Variants in EDARADD observed in about 807,000 individuals in gnomAD.
EDARADD encodes EDAR associated via death domain.
In EDARADD, 20 loss-of-function variants were observed where a neutral mutation model predicts 25.6. The ratio of observed to expected loss-of-function variants is 0.78; its 90% CI spans 0.55 to 1.14. The LOEUF is 1.14. Among genes scored for constraint, EDARADD ranks in the 50% most tolerant of loss-of-function variants. EDARADD has a pLI of 0.00. For synonymous variants in EDARADD, 86 were observed against 94.4 expected, an observed-to-expected ratio of 0.91 and a Z score of 0.52; for missense variants, 225 against 270.1, an observed-to-expected ratio of 0.83 and a Z score of 1.17.
At chr1:236,379,025 TA>T (rs71954009) in intron 3 of EDARADD, among the ~76,000 whole-genome samples, 16,663 of 149,748 alleles carry the variant, frequency 0.11, 1,453 homozygotes, top group East Asian at 0.3. Context: ...CTGATTGAAG[TA>T]AAAAAAAAAT....
At chr1:236,379,723 T>G (rs1838611) in intron 3 of EDARADD, among the ~76,000 whole-genome samples, 127,881 of 152,008 alleles carry the variant, frequency 0.84, 54,176 homozygotes, top group Middle Eastern at 0.94. Flanking sequence ...GAGGCTGCAG[T>G]GAGCCAAGAT....
Position 236,482,482 on chromosome 1 carries a change from C to G in EDARADD, c.481C>G (p.Gln161Glu). ...ATTGTGCTTCCTGGAGCAGAGGCCA[C>G]AGAGCCCCACCTTGGAGTTCTTGCT... Reference protein sequence around the residue: ...DELCFLEQRPQSPTLEFLLRN... With the variant: ...DELCFLEQRPESPTLEFLLRN... The change falls in exon 6 of 6, where the codon CAG becomes GAG. Residue 161 changes from glutamine to glutamate, a missense_variant. Physicochemically the swap from Gln to Glu is conservative, Grantham distance 29. Coordinates refer to ENST00000334232, the MANE Select transcript of EDARADD (RefSeq NM_145861.4). 5 of 1,613,772 alleles carry G rather than the reference C, an allele frequency of 3.1e-6. No individual in the cohort carries two copies. Among genetic ancestry groups the G allele is most frequent in the Non-Finnish European group, 4.2e-6 (5 of 1,179,786 alleles).
intron 1 of EDARADD, among the ~76,000 whole-genome samples, chr1:236,405,255 T>G (rs150557273): frequency 1.3e-4 from 20 of 152,308 alleles, no homozygotes; most frequent in African/African-American, 4.8e-4. Flanking sequence ...TAAGTTCCAT[T>G]TATTCTGAGA....
chr1:236,388,534 C>T lies in EDARADD; in HGVS notation c.-5-20682C>T, dbSNP rs115426633. Among the ~76,000 whole-genome samples the T allele has an allele frequency of 2.7e-3, 409 of 152,214 alleles. 5 individuals carry two copies. The highest frequency in any genetic ancestry group is 9.3e-3 in the African/African-American group (387 of 41,526). The stretch of plus-strand genomic sequence containing the variant: ...ATTAACATGGTATAGCTTGCTATTC[C>T]GTCAGATTTCTTTTTATGTTTTTCA... On this transcript the variant is annotated intron_variant, in intron 3 of 7. Coordinates refer to the EDARADD transcript ENST00000439430.
rs778449027 is a variant in EDARADD at position 236,395,784 on chromosome 1, G to A, written c.61+1279G>A. 61 of 1,000,990 alleles carry A rather than the reference G, an allele frequency of 6.1e-5. No individual in the cohort carries two copies. The highest frequency in any genetic ancestry group is 8.4e-5 in the Non-Finnish European group (60 of 717,202). The allele number at this position is 1,000,990 out of a possible 1,614,324, so 62.0% of individuals were successfully genotyped here. On this transcript the variant is annotated intron_variant, in intron 1 of 5. Transcript: ENST00000334232. The surrounding 1 kb of genome is among the most constrained non-coding windows in gnomAD (Gnocchi z 6.9). ...CTCGGCGACCCCCGAGGGAGGCCCGGGAACCACCCCCGACCCAGGCGCCAG... is the reference window on the plus strand; with the variant it reads ...CTCGGCGACCCCCGAGGGAGGCCCGAGAACCACCCCCGACCCAGGCGCCAG...
intron 3 of EDARADD, among the ~76,000 whole-genome samples, chr1:236,360,867 G>A (rs971381631): frequency 3.3e-5 from 5 of 151,914 alleles, no homozygotes; most frequent in African/African-American, 4.8e-5. Flanking sequence ...TTTTACACTA[G>A]TGATGAAGGA....
chr1:236,455,102 T>C (rs572061497), intron 4 of EDARADD, among the ~76,000 whole-genome samples: 13 of 151,924 alleles, frequency 8.6e-5, no homozygotes, highest in Admixed American at 7.2e-4. Flanking sequence ...CCCAGCTACT[T>C]GGGAGGCTGA....
intron 4 of EDARADD, among the ~76,000 whole-genome samples, chr1:236,440,781 C>G (rs1658377822): frequency 1.3e-5 from 2 of 152,070 alleles, no homozygotes; most frequent in Non-Finnish European, 2.9e-5. Context: ...ATGAACTGCA[C>G]CCATATAAGA....
chr1:236,459,778 A>T (rs1571949000), intron 4 of EDARADD, among the ~76,000 whole-genome samples: 1 of 151,708 alleles, frequency 6.6e-6, no homozygotes, highest in Non-Finnish European at 1.5e-5. Context: ...ACACCCAGCC[A>T]ATTTTTTGTA....
At chr1:236,456,010 C>A (rs1457679761) in intron 4 of EDARADD, among the ~76,000 whole-genome samples, 1 of 152,166 alleles carries the variant, frequency 6.6e-6, no homozygotes. Flanking sequence ...AGGATGGTCT[C>A]GATCTGCTGA....
chr1:236,372,038 C>T (rs1667178548), intron 3 of EDARADD, among the ~76,000 whole-genome samples: 1 of 152,064 alleles, frequency 6.6e-6, no homozygotes, highest in Non-Finnish European at 1.5e-5. Context: ...CTCACTGCAG[C>T]CTCTGACTCC....
chr1:236,379,730 A>C (rs1280792198), intron 3 of EDARADD, among the ~76,000 whole-genome samples: 1 of 152,168 alleles, frequency 6.6e-6, no homozygotes, highest in African/African-American at 2.4e-5. Context: ...CAGTGAGCCA[A>C]GATGGTGCCA....
At chr1:236,478,644 T>A (rs1659576429) in intron 5 of EDARADD, among the ~76,000 whole-genome samples, 1 of 152,192 alleles carries the variant, frequency 6.6e-6, no homozygotes, top group Non-Finnish European at 1.5e-5. Flanking sequence ...TGGAGTGCAG[T>A]GGCTCGAGCT....
rs1199504368 is a variant in EDARADD, at chr1:236,376,250, C to CGAAAGATCTTCCTTTCTTT, written c.-6+25412_-6+25430dup. On this transcript the variant is annotated intron_variant, in intron 3 of 7. Coordinates refer to the EDARADD transcript ENST00000439430. ...ATGCCCGGCCTACTTTCACTTTTTTCGAAAGATCTTCCTTTCTTTATGTAA... is the reference window on the plus strand; with the variant it reads ...ATGCCCGGCCTACTTTCACTTTTTTCGAAAGATCTTCCTTTCTTTGAAAGATCTTCCTTTCTTTATGTAA... 3.9e-5 allele frequency among the ~76,000 whole-genome samples: 6 copies of CGAAAGATCTTCCTTTCTTT among 152,162 alleles called. No homozygotes were observed. In the South Asian group the frequency reaches 1.2e-3, roughly 32 times the overall value.
chr1:236,439,023 T>C (rs597515), intron 4 of EDARADD, among the ~76,000 whole-genome samples: 120,026 of 152,190 alleles, frequency 0.79, 48,309 homozygotes, highest in Non-Finnish European at 0.88. Context: ...TCACCACTAA[T>C]TTCTGACCAA....
At chr1:236,455,427 C>T (rs1200864611) in intron 4 of EDARADD, among the ~76,000 whole-genome samples, 2 of 152,162 alleles carry the variant, frequency 1.3e-5, no homozygotes, top group Non-Finnish European at 1.5e-5. Context: ...ATGCAGGAAT[C>T]CCTTCAAGCT....
At chr1:236,474,344 G>A (rs577028909) in intron 5 of EDARADD, among the ~76,000 whole-genome samples, 2 of 152,264 alleles carry the variant, frequency 1.3e-5, no homozygotes, top group East Asian at 3.9e-4. Flanking sequence ...GCTCAAACGA[G>A]ACTGACCAAG....
upstream of EDARADD, among the ~76,000 whole-genome samples, chr1:236,392,491 ATTTTT>A (rs10649367): frequency 1.4e-5 from 2 of 139,630 alleles, no homozygotes; most frequent in Non-Finnish European, 3.0e-5. Flanking sequence ...TGCTCAGCTA[ATTTTT>A]TTTTTTTTTT....
chr1:236,467,302 G>A (rs1659223773), intron 4 of EDARADD, among the ~76,000 whole-genome samples: 1 of 151,708 alleles, frequency 6.6e-6, no homozygotes, highest in Admixed American at 6.6e-5. Context: ...TGTGGGTGGG[G>A]GTGGGGTGGG....
Sources: allele counts gnomAD v4.1 joint callset (sites outside exome capture counted in the v4.1 genomes callset), GRCh38; gene constraint gnomAD v4.1.1; non-coding constraint Gnocchi (gnomAD v3.1); transcripts MANE v1.5; gene names NCBI Gene and HGNC (gene_info 2026-07-23, HGNC 2026-07-21).